Variants in SORCS3 observed in about 807,000 individuals in gnomAD.
The protein encoded by SORCS3 is sortilin related VPS10 domain containing receptor 3, also known as VPS10 domain-containing receptor SorCS3.
SORCS3 carries 57 observed loss-of-function variants against 146.3 expected under a neutral mutation model. The observed-to-expected ratio is 0.39, with a 90% CI of 0.31 to 0.49. SORCS3 has a LOEUF of 0.49. Ranked by LOEUF, SORCS3 falls within the 20% of genes least tolerant of loss-of-function variation. The pLI is 0.92. For missense variants in SORCS3, 1,341 were observed against 1,575.5 expected (o/e 0.85, Z 2.52); for synonymous variants, 653 against 618.5 (o/e 1.06, Z -0.83).
At chr10:105,084,465 T>C (rs2055645436) in intron 5 of SORCS3, among the ~76,000 whole-genome samples, 1 of 152,224 alleles carries the variant, frequency 6.6e-6, no homozygotes, top group South Asian at 2.1e-4. Flanking sequence ...GGTGTATTTG[T>C]GTGTACTTCC....
intron 1 of SORCS3, among the ~76,000 whole-genome samples, chr10:104,659,909 C>T (rs1160767651): frequency 6.6e-6 from 1 of 152,182 alleles, no homozygotes; most frequent in African/African-American, 2.4e-5. Flanking sequence ...AAACTGCACC[C>T]TCCAACATTG....
intron 1 of SORCS3, among the ~76,000 whole-genome samples, chr10:104,750,893 G>C (rs182598483): frequency 4.9e-4 from 74 of 152,264 alleles, no homozygotes; most frequent in Admixed American, 2.4e-3. Context: ...TATTTTAATA[G>C]ACCTATATTC....
rs188297768 is a variant in SORCS3 at position 105,220,684 on chromosome 10, T to C, written c.2735-2432T>C. Among the ~76,000 whole-genome samples, 15 of 151,880 alleles carry C rather than the reference T, an allele frequency of 9.9e-5. No individual in the cohort carries two copies. In the East Asian group the frequency reaches 2.3e-3, roughly 24 times the overall value. ...TTGAATCTGGGCATGGAGAAAGAAG[T>C]TTTTCATCTCCCCCCTTGGATGTGG... is the stretch of plus-strand genomic sequence containing the variant. On this transcript the variant is annotated intron_variant, in intron 19 of 26. Coordinates refer to ENST00000369701, the MANE Select transcript of SORCS3 (RefSeq NM_014978.3).
At chr10:104,790,088 C>T (rs1047899218) in intron 1 of SORCS3, among the ~76,000 whole-genome samples, 1 of 152,158 alleles carries the variant, frequency 6.6e-6, no homozygotes, top group African/African-American at 2.4e-5. Flanking sequence ...TGTTTCTTTC[C>T]CCGTGCAGAA....
At chr10:104,661,161 A>G (rs1305013153) in intron 1 of SORCS3, among the ~76,000 whole-genome samples, 2 of 152,112 alleles carry the variant, frequency 1.3e-5, no homozygotes, top group Non-Finnish European at 2.9e-5. Context: ...CTGAGCAAAT[A>G]TGGGGATTTC....
intron 2 of SORCS3, among the ~76,000 whole-genome samples, chr10:104,908,069 C>A (rs1361965269): frequency 6.6e-6 from 1 of 152,198 alleles, no homozygotes; most frequent in African/African-American, 2.4e-5. Context: ...CTGACGCTGA[C>A]CTTGGAATGG....
intron 14 of SORCS3, among the ~76,000 whole-genome samples, chr10:105,196,588 A>G (rs2056545571): frequency 6.6e-6 from 1 of 152,210 alleles, no homozygotes; most frequent in South Asian, 2.1e-4. Flanking sequence ...ATGGGCAACA[A>G]GAGTGAAACT....
At chr10:104,740,109 G>A (rs752968430) in intron 1 of SORCS3, among the ~76,000 whole-genome samples, 1 of 152,166 alleles carries the variant, frequency 6.6e-6, no homozygotes, top group East Asian at 1.9e-4. Context: ...AAAAAGGTAT[G>A]CATTTACAAT....
At chr10:105,074,769 C>T (rs2055578442) in intron 5 of SORCS3, among the ~76,000 whole-genome samples, 1 of 152,132 alleles carries the variant, frequency 6.6e-6, no homozygotes, top group South Asian at 2.1e-4. Context: ...AAGGCTTTCC[C>T]AGGAAGTGGG....
chr10:104,974,368 C>T (rs1456413968), intron 3 of SORCS3, among the ~76,000 whole-genome samples: 15 of 152,090 alleles, frequency 9.9e-5, no homozygotes, highest in Non-Finnish European at 2.2e-4. Context: ...GCTTTATGAA[C>T]CTGGGTGCTC....
intron 2 of SORCS3, among the ~76,000 whole-genome samples, chr10:104,849,884 T>C (rs954911584): frequency 5.3e-5 from 8 of 152,300 alleles, no homozygotes; most frequent in South Asian, 4.1e-4. Flanking sequence ...CATTTCTACT[T>C]GAGAGAGAAT....
Position 105,247,212 on chromosome 10 carries a change from C to T in SORCS3, c.2993-7C>T, listed in dbSNP as rs372160865. The T allele has an allele frequency of 1.3e-6, 2 of 1,521,740 alleles. No individual in the cohort carries two copies. Among genetic ancestry groups the T allele is most frequent in the South Asian group, 2.3e-5 (2 of 87,582 alleles). The allele number at this position is 1,521,740 out of a possible 1,614,324, so 94.3% of individuals were successfully genotyped here. On this transcript the variant is annotated splice_polypyrimidine_tract_variant and splice_region_variant and intron_variant, in intron 21 of 26. Coordinates refer to ENST00000369701, the MANE Select transcript of SORCS3 (RefSeq NM_014978.3). ...CAGCCTCACTTAAACATTCTCTCTC[C>T]CTGCAGAATATTTCCAGTCCCAGCT...
At chr10:104,745,727 C>T (rs2016901251) in intron 1 of SORCS3, among the ~76,000 whole-genome samples, 1 of 152,120 alleles carries the variant, frequency 6.6e-6, no homozygotes, top group Admixed American at 6.5e-5. Context: ...TGACTGATAC[C>T]TCCCACTTGC....
rs1215766842 is a variant in SORCS3 at position 104,706,198 on chromosome 10, C to CT, written c.627+64246dup. ...CTTTTGTTTGTTTGTTTCTTTTCTT[C>CT]TTCTTTTTTTTTTTTTTTTTTTTTT... On this transcript the variant is annotated intron_variant, in intron 1 of 26. Transcript: ENST00000369701. Among the ~76,000 whole-genome samples, 191 of 121,326 alleles carry CT rather than the reference C, an allele frequency of 1.6e-3. 2 individuals carry two copies. Among genetic ancestry groups the CT allele is most frequent in the African/African-American group, 5.6e-3 (178 of 31,644 alleles). The allele number at this position is 121,326 out of a possible 152,430, so 79.6% of individuals were successfully genotyped here. A position where few individuals can be genotyped will look rare whatever the true frequency, so the allele number is the denominator to read the frequency against.
chr10:105,169,249 T>C (rs1269010345), intron 13 of SORCS3, among the ~76,000 whole-genome samples: 2 of 152,138 alleles, frequency 1.3e-5, no homozygotes, highest in South Asian at 4.2e-4. Flanking sequence ...ATTTTCTATA[T>C]ACTATAACAA....
At chr10:104,901,437 C>A (rs965386265) in intron 2 of SORCS3, among the ~76,000 whole-genome samples, 5 of 152,226 alleles carry the variant, frequency 3.3e-5, no homozygotes, top group Non-Finnish European at 7.3e-5. Flanking sequence ...GCTTCCTACT[C>A]ATTTATCCCT....
chr10:105,166,267 T>A (rs2056312129), intron 12 of SORCS3, among the ~76,000 whole-genome samples: 1 of 152,116 alleles, frequency 6.6e-6, no homozygotes, highest in Non-Finnish European at 1.5e-5. Context: ...GACTGTATCG[T>A]CTCCTTATCC....
At chr10:105,170,229 C>T (rs1011261979) in intron 13 of SORCS3, among the ~76,000 whole-genome samples, 1 of 152,094 alleles carries the variant, frequency 6.6e-6, no homozygotes, top group Non-Finnish European at 1.5e-5. Context: ...GCCTCACTTC[C>T]AAACGGAGTA....
chr10:104,774,040 T>C (rs1390800037), intron 1 of SORCS3, among the ~76,000 whole-genome samples: 1 of 152,226 alleles, frequency 6.6e-6, no homozygotes, highest in East Asian at 1.9e-4. Flanking sequence ...TGAGTATTGT[T>C]TTAAATTTTA....
Sources: allele counts gnomAD v4.1 joint callset (sites outside exome capture counted in the v4.1 genomes callset), GRCh38; gene constraint gnomAD v4.1.1; transcripts MANE v1.5; gene names NCBI Gene and HGNC (gene_info 2026-07-23, HGNC 2026-07-21).